Variants in GPN2 observed in about 807,000 individuals in gnomAD.
GPN2 encodes the protein ATP-binding domain 1 family member B.
Under a neutral mutation model 30.1 loss-of-function variants are expected in GPN2, and 27 were observed. The ratio of observed to expected loss-of-function variants is 0.90; its 90% CI spans 0.66 to 1.24. The LOEUF (loss-of-function observed/expected upper bound fraction) is 1.24. Among genes scored for constraint, GPN2 ranks in the 50% most tolerant of loss-of-function variants. GPN2 has a pLI of 0.00. For synonymous variants in GPN2, 212 were observed against 174.4 expected (o/e 1.22, Z -1.70); for missense variants, 406 against 405.4 (o/e 1.00, Z -0.01).
intron 4 of GPN2, among the ~76,000 whole-genome samples, chr1:26,882,033 T>C (rs930789128): frequency 2.0e-5 from 3 of 152,024 alleles, no homozygotes; most frequent in African/African-American, 7.2e-5. Flanking sequence ...CTGGCCAACA[T>C]GGTAAAACGC....
In GPN2 at chr1:26,889,089, T is replaced by G; in HGVS notation, c.448A>C (p.Thr150Pro). The change falls in exon 2 of 5, where the codon ACA (threonine) becomes CCA (proline). Residue 150 changes from threonine to proline, a missense_variant. Transcript: ENST00000374135. ...ACTGAAATGAACTTGGCAGGGTCTG[T>G]GCAGTAGTGAGAATCCACGAGGTGG... Reference protein sequence around the residue: ...AVHLVDSHYCTDPAKFISVLC... With the variant: ...AVHLVDSHYCPDPAKFISVLC... The G allele has an allele frequency of 1.2e-6, 2 of 1,613,944 alleles. No individual in the cohort carries two copies. The highest frequency in any genetic ancestry group is 8.5e-7 in the Non-Finnish European group (1 of 1,179,840).
At chr1:26,883,505 G>A (rs2081874720) in intron 4 of GPN2, among the ~76,000 whole-genome samples, 1 of 151,474 alleles carries the variant, frequency 6.6e-6, no homozygotes, top group South Asian at 2.1e-4. Flanking sequence ...AGTCATCCAC[G>A]GCCGGGCGCA....
intron 2 of GPN2, 124 bp from the exon 3 acceptor site, chr1:26,886,257 G>T: frequency 3.0e-6 from 2 of 672,720 alleles, no homozygotes; most frequent in Non-Finnish European, 5.2e-6. Flanking sequence ...ACAGTAAAAT[G>T]AAGTTACTAA....
At chr1:26,881,098 A>G (rs989884650) in intron 4 of GPN2, among the ~76,000 whole-genome samples, 3 of 152,232 alleles carry the variant, frequency 2.0e-5, no homozygotes, top group Non-Finnish European at 2.9e-5. Flanking sequence ...TATTTGTTAA[A>G]TGCAGCATAC....
rs2081854854 is a variant in GPN2 at position 26,879,663 on chromosome 1, G to C, written c.*14C>G. The C allele has an allele frequency of 6.2e-7, 1 of 1,601,598 alleles. No individual in the cohort carries two copies. Among genetic ancestry groups the C allele is most frequent in the African/African-American group, 1.3e-5 (1 of 74,678 alleles). ...CTGGATTATGCATCCTGCTCTCCAG[G>C]GTCCACCTTGTTGCTACAGCTGCAT... On this transcript the variant is annotated 3_prime_UTR_variant, in exon 5 of 5. Coordinates refer to ENST00000374135, the MANE Select transcript of GPN2 (RefSeq NM_018066.4).
At chr1:26,879,795 G>A (rs768847387) in intron 4 of GPN2, 46 bp from the exon 5 acceptor site, 21 of 1,369,918 alleles carry the variant, frequency 1.5e-5, no homozygotes, top group Non-Finnish European at 2.2e-5. Context: ...AGAGGATGGG[G>A]AGCTGGTCTG....
At position 26,884,188 on chromosome 1, in the gene GPN2, C is replaced by G; in HGVS notation, c.832G>C (p.Ala278Pro). Reference protein sequence around the residue: ...QRSLEAMMSAAMGADFHFSST... With the variant: ...QRSLEAMMSAPMGADFHFSST... ...GAGAAATGGAAGTCGGCTCCCATTG[C>G]GGCAGACATCATGGCTTCCAAGCTT... is the stretch of plus-strand genomic sequence containing the variant. Residue 278 changes from alanine (A) to proline (P), a missense_variant, in exon 4 of 5, where the codon GCA becomes CCA. Transcript: ENST00000374135. The G allele has an allele frequency of 6.2e-7, 1 of 1,613,700 alleles. No homozygotes were observed. The highest frequency in any genetic ancestry group is 8.5e-7 in the Non-Finnish European group (1 of 1,179,816).
rs1375354651 is a variant in GPN2 at position 26,876,729 on chromosome 1, A to G, written c.*2948T>C. ...CAGTATATGCAGAGAACAGAAAATC[A>G]TTTTGCTGCCAGTGGAAGGTAGACA... is the stretch of plus-strand genomic sequence containing the variant. On this transcript the variant is annotated 3_prime_UTR_variant, in exon 5 of 5. Transcript: ENST00000374135. 1.3e-5 allele frequency: 2 copies of G among 151,972 alleles called. No individual in the cohort carries two copies. The highest frequency in any genetic ancestry group is 2.9e-5 in the Non-Finnish European group (2 of 68,000). 9.4% of individuals were successfully genotyped at this position (151,972 alleles called of 1,614,324 possible). A position where few individuals can be genotyped will look rare whatever the true frequency, so the allele number is the denominator to read the frequency against.
intron 2 of GPN2, among the ~76,000 whole-genome samples, chr1:26,887,263 T>G (rs1278428746): frequency 6.6e-6 from 1 of 152,164 alleles, no homozygotes; most frequent in Non-Finnish European, 1.5e-5. Context: ...TGATTCAGTT[T>G]TATAAATCAT....
intron 1 of GPN2, 111 bp downstream of exon 1, chr1:26,889,575 C>T: frequency 9.3e-7 from 1 of 1,076,504 alleles, no homozygotes; most frequent in African/African-American, 1.6e-5. Flanking sequence ...GCCTGTTTTA[C>T]TCCAAAGCGA....
At chr1:26,888,279 TTC>T (rs1443432549) in intron 2 of GPN2, among the ~76,000 whole-genome samples, 2 of 152,130 alleles carry the variant, frequency 1.3e-5, no homozygotes, top group Non-Finnish European at 2.9e-5. Flanking sequence ...CTCCCACCCC[TTC>T]TCTGTCTCTG....
rs1362437913 is a variant in GPN2, at chr1:26,884,211, C to G, written c.809G>C (p.Ser270Thr). ...TGCGGCAGACATCATGGCTTCCAAGCTTCGCTGCTCTTGGGCTCTGAAACA... is the reference window on the plus strand; with the variant it reads ...TGCGGCAGACATCATGGCTTCCAAGGTTCGCTGCTCTTGGGCTCTGAAACA... ...GYCFRAQEQRSLEAMMSAAMG... is the reference protein window; with the variant it reads ...GYCFRAQEQRTLEAMMSAAMG... Residue 270 changes from serine (S) to threonine (T), a missense_variant, in exon 4 of 5, where the codon AGC becomes ACC. Coordinates refer to ENST00000374135, the MANE Select transcript of GPN2 (RefSeq NM_018066.4). 2.5e-6 allele frequency: 4 copies of G among 1,613,928 alleles called. No homozygotes were observed. In the African/African-American group the frequency reaches 4.0e-5, roughly 16 times the overall value.
Position 26,890,234 on chromosome 1 carries a change from C to G in GPN2, c.-138G>C, listed in dbSNP as rs2081914993. The G allele has an allele frequency of 5.5e-6, 4 of 732,900 alleles. No individual in the cohort carries two copies. The highest frequency in any genetic ancestry group is 8.5e-6 in the Non-Finnish European group (4 of 469,392). 45.4% of individuals were successfully genotyped at this position (732,900 alleles called of 1,614,324 possible). A position where few individuals can be genotyped will look rare whatever the true frequency, so the allele number is the denominator to read the frequency against. On this transcript the variant is annotated 5_prime_UTR_variant, in exon 1 of 5. Coordinates refer to ENST00000374135, the MANE Select transcript of GPN2 (RefSeq NM_018066.4). ...GCGTCACTCGCCTCAGGCGGAACAG[C>G]TGAGACCGTGTCGCGCAAAAGGAGA...
At chr1:26,888,905 G>C in intron 2 of GPN2, 64 bp downstream of exon 2, 2 of 1,548,032 alleles carry the variant, frequency 1.3e-6, no homozygotes, top group Non-Finnish European at 1.8e-6. Context: ...ACCTTCAGCT[G>C]AGATGTCTGC....
At chr1:26,880,631 T>TA (rs1192731741) in intron 4 of GPN2, among the ~76,000 whole-genome samples, 61 of 145,906 alleles carry the variant, frequency 4.2e-4, no homozygotes, top group Admixed American at 7.5e-4. Context: ...TTTTATACTT[T>TA]AAAAAAAAAA....
rs922444623 is a variant in GPN2 at position 26,876,976 on chromosome 1, G to A, written c.*2701C>T. 2.6e-5 allele frequency: 4 copies of A among 151,808 alleles called. No homozygotes were observed. The highest frequency in any genetic ancestry group is 4.8e-5 in the African/African-American group (2 of 41,290). The allele number at this position is 151,808 out of a possible 1,614,324, so 9.4% of individuals were successfully genotyped here. A position where few individuals can be genotyped will look rare whatever the true frequency, so the allele number is the denominator to read the frequency against. On this transcript the variant is annotated 3_prime_UTR_variant, in exon 5 of 5. Transcript: ENST00000374135. ...GTGAGTGGCAAGCATCAAAACCCAC[G>A]ACCACAGCCGTTGGTACTGCTTTCA...
In GPN2 at chr1:26,890,092, G is replaced by C; in HGVS notation, c.5C>G (p.Ala2Gly). MAGAAPTTAFGQ... is the reference protein window; with the variant it reads MGGAAPTTAFGQ... Reference sequence around the variant, plus strand: ...GAAGGCCGTGGTCGGAGCGGCCCCTGCCATTGGCGGCCCGCGGCCCGGAGC... The same window carrying C: ...GAAGGCCGTGGTCGGAGCGGCCCCTCCCATTGGCGGCCCGCGGCCCGGAGC... Residue 2 changes from alanine (A) to glycine (G), a missense_variant, in exon 1 of 5, where the codon GCA becomes GGA. Ala to Gly is a moderately conservative substitution (Grantham distance 60, BLOSUM62 0). Coordinates refer to ENST00000374135, the MANE Select transcript of GPN2 (RefSeq NM_018066.4). 6.6e-7 allele frequency: 1 copy of C among 1,523,470 alleles called. No individual in the cohort carries two copies. The highest frequency in any genetic ancestry group is 2.3e-5 in the East Asian group (1 of 43,110). The allele number at this position is 1,523,470 out of a possible 1,614,324, so 94.4% of individuals were successfully genotyped here. A position where few individuals can be genotyped will look rare whatever the true frequency, so the allele number is the denominator to read the frequency against.
At chr1:26,885,916 G>A (rs2081888244) in intron 3 of GPN2, 57 bp downstream of exon 3, 1 of 1,357,366 alleles carries the variant, frequency 7.4e-7, no homozygotes, top group South Asian at 1.2e-5. Context: ...AGCTTCCTGT[G>A]CTTTTGGCTT....
intron 1 of GPN2, among the ~76,000 whole-genome samples, 180 bp from the exon 2 acceptor site, chr1:26,889,305 A>T (rs1450798431): frequency 1.3e-5 from 2 of 151,242 alleles, no homozygotes; most frequent in African/African-American, 4.9e-5. Flanking sequence ...TTTTTTTCTT[A>T]CAAGAGGTCT....
Sources: gnomAD v4.1 joint callset for allele counts (sites outside exome capture counted in the v4.1 genomes callset) on GRCh38, gnomAD v4.1.1 for gene constraint, MANE v1.5 for transcripts, NCBI Gene and HGNC (gene_info 2026-07-23, HGNC 2026-07-21) for gene names.